The following GALNT5 variants were observed in gnomAD, a reference collection of about 807,000 sequenced individuals.
GALNT5 encodes UDP-GalNAc:polypeptide N-acetylgalactosaminyltransferase 5.
GALNT5 carries 72 observed loss-of-function variants against 85.4 expected under a neutral mutation model. The ratio of observed to expected loss-of-function variants is 0.84; its 90% CI spans 0.70 to 1.03. The LOEUF (loss-of-function observed/expected upper bound fraction) is 1.03. Ranked by LOEUF, GALNT5 falls within the 50% of genes least tolerant of loss-of-function variation. GALNT5 has a pLI of 0.00. For synonymous variants in GALNT5, 404 were observed against 397.0 expected (o/e 1.02, Z -0.21); for missense variants, 1,137 against 1,135.5 (o/e 1.00, Z -0.02).
chr2:157,279,793 A>G (rs1018732600), intron 1 of GALNT5, among the ~76,000 whole-genome samples: 1 of 152,184 alleles, frequency 6.6e-6, no homozygotes, highest in African/African-American at 2.4e-5. Context: ...TGATGCCCCA[A>G]CCTGCTTTGG....
chr2:157,275,340 A>G (rs1682699210), intron 1 of GALNT5, among the ~76,000 whole-genome samples: 1 of 152,122 alleles, frequency 6.6e-6, no homozygotes, highest in Non-Finnish European at 1.5e-5. Flanking sequence ...TATGAACTTT[A>G]AAGGAGTTTT....
intron 3 of GALNT5, among the ~76,000 whole-genome samples, chr2:157,294,244 C>A (rs1448729759): frequency 6.6e-6 from 1 of 152,198 alleles, no homozygotes; most frequent in Non-Finnish European, 1.5e-5. Context: ...GGAGAAGGCA[C>A]TGGCTCCTCC....
chr2:157,263,177 C>T (rs189247814), intron 1 of GALNT5, among the ~76,000 whole-genome samples: 20 of 151,936 alleles, frequency 1.3e-4, no homozygotes, highest in African/African-American at 4.4e-4. Flanking sequence ...CAGGGTTACT[C>T]ACACTGTCCT....
At chr2:157,285,336 G>A (rs1170844059) in intron 2 of GALNT5, among the ~76,000 whole-genome samples, 1 of 152,132 alleles carries the variant, frequency 6.6e-6, no homozygotes, top group East Asian at 1.9e-4. Flanking sequence ...CCTTTATGAG[G>A]GGCAGGTCCA....
At chr2:157,305,027 C>T (rs1683425019) in intron 7 of GALNT5, among the ~76,000 whole-genome samples, 1 of 152,162 alleles carries the variant, frequency 6.6e-6, no homozygotes, top group Non-Finnish European at 1.5e-5. Context: ...TCTGAAAACC[C>T]TAAGTTGCAC....
chr2:157,258,683 C>CA lies in GALNT5; in HGVS notation c.602dup (p.His201GlnfsTer2), dbSNP rs1383957424. The CA allele has an allele frequency of 1.9e-6, 3 of 1,613,882 alleles. No homozygotes were observed. Among genetic ancestry groups the CA allele is most frequent in the Non-Finnish European group, 2.5e-6 (3 of 1,180,002 alleles). ...TTTAAAACAGGAGCCCCGGAAGAGT[C>CA]ATAGTCCCAGCAGTGACACATCAAA... On this transcript the variant is annotated frameshift_variant, in exon 1 of 10. Coordinates refer to ENST00000259056, the MANE Select transcript of GALNT5 (RefSeq NM_014568.3). LOFTEE classifies it high-confidence loss of function.
chr2:157,282,133 C>T (rs73022612), intron 1 of GALNT5, among the ~76,000 whole-genome samples: 21,131 of 152,094 alleles, frequency 0.14, 4,253 homozygotes, highest in African/African-American at 0.44. Context: ...GCATTAGATA[C>T]CTGATCACTA....
chr2:157,300,591 A>G (rs901685795), intron 6 of GALNT5, 85 bp from the exon 7 acceptor site: 17 of 1,050,708 alleles, frequency 1.6e-5, no homozygotes, highest in Non-Finnish European at 2.2e-5. Flanking sequence ...GTAGGGGGAA[A>G]CAAGGTGGTT....
At chr2:157,298,466 A>T (rs1218646722) in intron 5 of GALNT5, among the ~76,000 whole-genome samples, 1 of 152,160 alleles carries the variant, frequency 6.6e-6, no homozygotes, top group African/African-American at 2.4e-5. Context: ...TCATCTGCAC[A>T]GGGCGCCAAT....
chr2:157,266,687 T>A (rs1682465364), intron 1 of GALNT5, among the ~76,000 whole-genome samples: 1 of 152,158 alleles, frequency 6.6e-6, no homozygotes, highest in Non-Finnish European at 1.5e-5. Flanking sequence ...AAAGAATAAA[T>A]GATTTATCCA....
chr2:157,285,931 G>A, intron 2 of GALNT5, 84 bp from the exon 3 acceptor site: 1 of 864,818 alleles, frequency 1.2e-6, no homozygotes, highest in Non-Finnish European at 1.8e-6. Flanking sequence ...ATAGTTTTTG[G>A]CATTTGACTT....
chr2:157,315,648 T>A lies in GALNT5; in HGVS notation c.*4300T>A, dbSNP rs1471562441. ...GCTACCCCCACATGTTTTGCTGTGA[T>A]CTATCTCTTTGACTTCATGCAGAAC... On this transcript the variant is annotated 3_prime_UTR_variant, in exon 10 of 10. Transcript: ENST00000259056. 6.6e-6 allele frequency among the ~76,000 whole-genome samples: 1 copy of A among 152,174 alleles called. No individual in the cohort carries two copies. The highest frequency in any genetic ancestry group is 2.4e-5 in the African/African-American group (1 of 41,442).
chr2:157,272,601 T>G (rs1482839342), intron 1 of GALNT5, among the ~76,000 whole-genome samples: 1 of 152,152 alleles, frequency 6.6e-6, no homozygotes, highest in Non-Finnish European at 1.5e-5. Context: ...AATGCTTAGC[T>G]CCCACCTATA....
rs951724907 is a variant in GALNT5 at position 157,273,467 on chromosome 2, G to A, written c.1455-10815G>A. On this transcript the variant is annotated intron_variant, in intron 1 of 9. Transcript: ENST00000259056. ...TTTGGTATCACCAATTAACACTTTC[G>A]TGGACTTCAATGTGCAAATTCCTCA... Among the ~76,000 whole-genome samples the A allele has an allele frequency of 5.3e-5, 8 of 150,534 alleles. No homozygotes were observed. The South Asian group carries it at 1.0e-3, about 20-fold the overall frequency.
At chr2:157,305,249 G>T (rs1683429220) in intron 7 of GALNT5, among the ~76,000 whole-genome samples, 1 of 152,088 alleles carries the variant, frequency 6.6e-6, no homozygotes, top group South Asian at 2.1e-4. Context: ...TAGCTTGCTT[G>T]GGTCATTAAG....
rs61748237 is a variant in GALNT5, at chr2:157,258,617, A to T, written c.535A>T (p.Thr179Ser). ...GACCTCATTCATAGCAGCAAAAGGA[A>T]CTCAGGTAGTCAAAATATCAGTACA... ...PKTSFIAAKG[T>S]QVVKISVHMG... Residue 179 changes from threonine to serine, a missense_variant, in exon 1 of 10, where the codon ACT (threonine) becomes TCT (serine). Coordinates refer to ENST00000259056, the MANE Select transcript of GALNT5 (RefSeq NM_014568.3). 151,504 of 1,613,238 alleles carry T rather than the reference A, an allele frequency of 0.094. 7,854 individuals carry two copies. The highest frequency in any genetic ancestry group is 0.11 in the African/African-American group (8,379 of 74,756).
chr2:157,293,029 C>T (rs1683133017), intron 3 of GALNT5, among the ~76,000 whole-genome samples: 1 of 152,118 alleles, frequency 6.6e-6, no homozygotes, highest in Non-Finnish European at 1.5e-5. Context: ...ACATTGTATA[C>T]CACTAGCCAA....
At chr2:157,276,758 T>C (rs1682737256) in intron 1 of GALNT5, among the ~76,000 whole-genome samples, 1 of 152,026 alleles carries the variant, frequency 6.6e-6, no homozygotes, top group Non-Finnish European at 1.5e-5. Flanking sequence ...TTGTTGATCT[T>C]TTCAAAAAAC....
intron 1 of GALNT5, among the ~76,000 whole-genome samples, chr2:157,283,140 C>T (rs1682892494): frequency 6.6e-6 from 1 of 152,138 alleles, no homozygotes; most frequent in Admixed American, 6.6e-5. Flanking sequence ...CCAGCTCTGC[C>T]ATTTACTAAC....
Sources: allele counts gnomAD v4.1 joint callset (sites outside exome capture counted in the v4.1 genomes callset), GRCh38; gene constraint gnomAD v4.1.1; transcripts MANE v1.5; gene names NCBI Gene and HGNC (gene_info 2026-07-23, HGNC 2026-07-21).